The following SH3BP4 variants were observed in gnomAD, a reference collection of about 807,000 sequenced individuals.
SH3BP4 encodes the protein SH3 domain-binding protein 4.
A neutral mutation model predicts 65.5 loss-of-function variants in SH3BP4; 33 were observed. The observed-to-expected ratio is 0.50, with a 90% confidence interval of 0.38 to 0.67. The LOEUF (loss-of-function observed/expected upper bound fraction) is 0.67. SH3BP4 is among the 30% of genes least tolerant of loss of function. The pLI is 0.00. For synonymous variants in SH3BP4, 552 were observed against 545.5 expected, an observed-to-expected ratio of 1.01 and a Z score of -0.17; for missense variants, 1,134 against 1,261.4, an observed-to-expected ratio of 0.90 and a Z score of 1.53.
chr2:234,966,573 A>C (rs982529376), intron 1 of SH3BP4, among the ~76,000 whole-genome samples: 9 of 152,340 alleles, frequency 5.9e-5, no homozygotes, highest in Non-Finnish European at 1.0e-4. Context: ...AAGTATCTGA[A>C]ATACCACGCA....
rs1473282040 is a variant in SH3BP4 at position 235,052,273 on chromosome 2, A to C, written c.2479-289A>C. ...CTCTAATCCAGAGGGACCTCATCTT[A>C]ATTCTATCTGCAAAGACCCCATTTT... On this transcript the variant is annotated intron_variant, in intron 4 of 5. Coordinates refer to ENST00000392011, the MANE Select transcript of SH3BP4 (RefSeq NM_014521.3). The surrounding 1 kb of genome is among the most constrained non-coding windows in gnomAD (Gnocchi z 5.0). Among the ~76,000 whole-genome samples the C allele has an allele frequency of 6.6e-6, 1 of 151,710 alleles. No homozygotes were observed. The highest frequency in any genetic ancestry group is 1.5e-5 in the Non-Finnish European group (1 of 67,946).
intron 2 of SH3BP4, among the ~76,000 whole-genome samples, chr2:235,020,410 T>C (rs975269536): frequency 6.6e-6 from 1 of 152,040 alleles, no homozygotes. Flanking sequence ...GGCAGGAGAA[T>C]TGCTTGAACC....
chr2:234,983,169 C>G (rs758910787), intron 1 of SH3BP4: 2 of 152,268 alleles, frequency 1.3e-5, no homozygotes, highest in African/African-American at 4.8e-5. Context: ...GGCCAACTTG[C>G]GAAACACCCG....
intron 1 of SH3BP4, among the ~76,000 whole-genome samples, chr2:234,960,157 A>G (rs140283705): frequency 6.6e-6 from 1 of 152,352 alleles, no homozygotes; most frequent in African/African-American, 2.4e-5. Context: ...AGCTGATGTA[A>G]TACTTACACA....
chr2:234,993,301 T>C (rs1394289443), intron 1 of SH3BP4, among the ~76,000 whole-genome samples: 1 of 152,214 alleles, frequency 6.6e-6, no homozygotes, highest in Non-Finnish European at 1.5e-5. Context: ...CAGTAGTAAC[T>C]GCAGCCACTG....
intron 1 of SH3BP4, among the ~76,000 whole-genome samples, chr2:234,993,493 G>T (rs1334568828): frequency 6.6e-6 from 1 of 152,228 alleles, no homozygotes; most frequent in Non-Finnish European, 1.5e-5. Flanking sequence ...TAGGTTCTCA[G>T]AGATGCTGGT....
At chr2:235,025,602 T>C (rs1366639967) in intron 2 of SH3BP4, among the ~76,000 whole-genome samples, 1 of 152,142 alleles carries the variant, frequency 6.6e-6, no homozygotes, top group African/African-American at 2.4e-5. Flanking sequence ...GGCACTGCGC[T>C]CAATGCTGGA....
chr2:235,049,496 A>G (rs1178708911), intron 4 of SH3BP4, among the ~76,000 whole-genome samples: 1 of 152,172 alleles, frequency 6.6e-6, no homozygotes, highest in Non-Finnish European at 1.5e-5. Flanking sequence ...GTGGTCCAGC[A>G]CACCTTCCCA....
chr2:235,001,747 A>C (rs544073713), intron 2 of SH3BP4, among the ~76,000 whole-genome samples: 1 of 152,186 alleles, frequency 6.6e-6, no homozygotes, highest in African/African-American at 2.4e-5. Context: ...GACTGGAGAG[A>C]TGAGTTCTCA....
Position 235,041,720 on chromosome 2 carries a change from A to G in SH3BP4, c.951A>G (p.Thr317=). Residue 317 remains threonine (T), a synonymous_variant, in exon 4 of 6, where the codon ACA becomes ACG. Transcript: ENST00000392011. This position sits in a 1 kb window ranked among gnomAD's most constrained non-coding sequence, Gnocchi z 6.0. ...PGWGQTQAVE[T]NIVCKLDSSG... ...GGGGCCAGACCCAAGCCGTGGAGAC[A>G]AACATCGTGTGCAAGCTGGATAGCT... is the stretch of plus-strand genomic sequence containing the variant. The G allele has an allele frequency of 6.2e-7, 1 of 1,611,892 alleles. No homozygotes were observed. Among genetic ancestry groups the G allele is most frequent in the Non-Finnish European group, 8.5e-7 (1 of 1,178,694 alleles).
Position 234,976,179 on chromosome 2 carries a change from TACCCATGAA to T in SH3BP4, c.-206-19123_-206-19115del, listed in dbSNP as rs932083658. Among the ~76,000 whole-genome samples the T allele has an allele frequency of 6.6e-5, 10 of 152,284 alleles. No homozygotes were observed. In the South Asian group the frequency reaches 1.7e-3, roughly 25 times the overall value. ...GGAGGACTCCTGCGGATTCCCCATCTACCCATGAAGAGCGGCTCCTGCGGGGTGGCCCGG... is the reference window on the plus strand; with the variant it reads ...GGAGGACTCCTGCGGATTCCCCATCTGAGCGGCTCCTGCGGGGTGGCCCGG... On this transcript the variant is annotated intron_variant, in intron 1 of 5. Coordinates refer to ENST00000392011, the MANE Select transcript of SH3BP4 (RefSeq NM_014521.3). This position sits in a 1 kb window ranked among gnomAD's most constrained non-coding sequence, Gnocchi z 4.7.
At position 235,052,482 on chromosome 2, in the gene SH3BP4, C is replaced by T; in HGVS notation, c.2479-80C>T. ...TAGAGAGCCCATGGCCATTCCTGCG[C>T]CGTCTGCTGGAATTCTGCGGGGAGC... On this transcript the variant is annotated intron_variant, in intron 4 of 5. Coordinates refer to ENST00000392011, the MANE Select transcript of SH3BP4 (RefSeq NM_014521.3). This position sits in a 1 kb window ranked among gnomAD's most constrained non-coding sequence, Gnocchi z 5.0. 8.5e-7 allele frequency: 1 copy of T among 1,171,104 alleles called. No individual in the cohort carries two copies. Among genetic ancestry groups the T allele is most frequent in the African/African-American group, 1.5e-5 (1 of 64,828 alleles). 72.5% of individuals were successfully genotyped at this position (1,171,104 alleles called of 1,614,324 possible). A position where few individuals can be genotyped will look rare whatever the true frequency, so the allele number is the denominator to read the frequency against.
At chr2:235,047,418 A>G (rs1251788646) in intron 4 of SH3BP4, among the ~76,000 whole-genome samples, 1 of 152,216 alleles carries the variant, frequency 6.6e-6, no homozygotes, top group African/African-American at 2.4e-5. Flanking sequence ...GACTGGCCAG[A>G]AACACTGCGT....
rs377414877 is a variant in SH3BP4 at position 234,988,339 on chromosome 2, G to A, written c.-206-6964G>A. Among the ~76,000 whole-genome samples the A allele has an allele frequency of 4.5e-4, 68 of 152,278 alleles. 1 individual carries two copies. The South Asian group carries it at 5.0e-3, about 11-fold the overall frequency. On this transcript the variant is annotated intron_variant, in intron 1 of 5. Coordinates refer to ENST00000392011, the MANE Select transcript of SH3BP4 (RefSeq NM_014521.3). The stretch of plus-strand genomic sequence containing the variant: ...CTCCCAAAGTGCTGGGATTACAGGC[G>A]TGAGCCACCACACCCGGCCCGCCAG...
intron 1 of SH3BP4, among the ~76,000 whole-genome samples, chr2:234,989,758 C>T (rs1006814770): frequency 2.0e-5 from 3 of 152,062 alleles, no homozygotes; most frequent in Non-Finnish European, 2.9e-5. Context: ...TTTTTATTTT[C>T]CCCCCAACTG....
intron 1 of SH3BP4, among the ~76,000 whole-genome samples, chr2:234,988,626 C>T (rs189411856): frequency 1.5e-3 from 230 of 152,294 alleles, no homozygotes; most frequent in Non-Finnish European, 2.5e-3. Flanking sequence ...AGGGGGCCTC[C>T]GCCTCCTCCA....
Position 235,041,299 on chromosome 2 carries a change from T to A in SH3BP4, c.530T>A (p.Val177Asp), listed in dbSNP as rs899096767. Residue 177 changes from valine to aspartate, a missense_variant, in exon 4 of 6, where the codon GTC (valine) becomes GAC (aspartate). Physicochemically the swap from Val to Asp is radical, Grantham distance 152. Transcript: ENST00000392011. This position sits in a 1 kb window ranked among gnomAD's most constrained non-coding sequence, Gnocchi z 6.0. ...CCATTTCTGAATGGGAACGTGCCCG[T>A]CATGCCCAGCCTGGATGAGCTGAAT... Reference protein sequence around the residue: ...TNPFLNGNVPVMPSLDELNPK... With the variant: ...TNPFLNGNVPDMPSLDELNPK... The A allele has an allele frequency of 9.9e-6, 16 of 1,614,160 alleles. No homozygotes were observed. The highest frequency in any genetic ancestry group is 1.4e-5 in the Non-Finnish European group (16 of 1,180,036).
At chr2:234,992,080 G>T (rs554591346) in intron 1 of SH3BP4, among the ~76,000 whole-genome samples, 1 of 152,232 alleles carries the variant, frequency 6.6e-6, no homozygotes, top group Non-Finnish European at 1.5e-5. Context: ...GGCTTGCAGG[G>T]CCCTTATCCA....
In SH3BP4 at chr2:234,991,522, A is replaced by G. The variant is rs998516170; in HGVS notation, c.-206-3781A>G. On this transcript the variant is annotated intron_variant, in intron 1 of 5. Transcript: ENST00000392011. This position sits in a 1 kb window ranked among gnomAD's most constrained non-coding sequence, Gnocchi z 4.2. The stretch of plus-strand genomic sequence containing the variant: ...AATGACAACACTGATGTTTCTTGAA[A>G]CAACTGGAGAATAAGGCATCCTCTA... Among the ~76,000 whole-genome samples the G allele has an allele frequency of 1.3e-5, 2 of 151,832 alleles. No homozygotes were observed. Among genetic ancestry groups the G allele is most frequent in the African/African-American group, 4.9e-5 (2 of 41,102 alleles).
Sources: allele counts gnomAD v4.1 joint callset (sites outside exome capture counted in the v4.1 genomes callset), GRCh38; gene constraint gnomAD v4.1.1; non-coding constraint Gnocchi (gnomAD v3.1); transcripts MANE v1.5; gene names NCBI Gene and HGNC (gene_info 2026-07-23, HGNC 2026-07-21).